Variants in STXBP5 observed in about 807,000 individuals in gnomAD.
STXBP5 encodes the protein syntaxin-binding protein 5.
Under a neutral mutation model 152.4 loss-of-function variants are expected in STXBP5, and 50 were observed. That is an observed-to-expected ratio of 0.33 (90% CI 0.26 to 0.42). STXBP5 has a LOEUF of 0.42. Among genes scored for constraint, STXBP5 ranks in the 10% least tolerant of loss-of-function variants. The pLI, the probability that STXBP5 is intolerant of heterozygous loss-of-function variation, is 1.00. For missense variants in STXBP5, 1,167 were observed against 1,388.6 expected, an observed-to-expected ratio of 0.84 and a Z score of 2.54; for synonymous variants, 492 against 494.7, an observed-to-expected ratio of 0.99 and a Z score of 0.07.
At chr6:147,351,339 C>T (rs914016596) in intron 21 of STXBP5, among the ~76,000 whole-genome samples, 6 of 152,166 alleles carry the variant, frequency 3.9e-5, no homozygotes, top group African/African-American at 7.2e-5. Flanking sequence ...GAGGCGGCAT[C>T]CATATCATAT....
intron 11 of STXBP5, among the ~76,000 whole-genome samples, 194 bp from the exon 12 acceptor site, chr6:147,313,690 A>G (rs143006405): frequency 3.3e-4 from 50 of 152,304 alleles, no homozygotes; most frequent in East Asian, 1.9e-3. Context: ...AGTTGCAACT[A>G]GAGCCTTTCT....
At chr6:147,381,119 C>G (rs1375419418) in intron 26 of STXBP5, among the ~76,000 whole-genome samples, 3 of 152,082 alleles carry the variant, frequency 2.0e-5, no homozygotes, top group African/African-American at 7.2e-5. Flanking sequence ...ACCCTGCCCC[C>G]ATGATTCAGT....
chr6:147,257,872 A>C (rs1280825541), intron 4 of STXBP5, among the ~76,000 whole-genome samples: 2 of 152,176 alleles, frequency 1.3e-5, no homozygotes, highest in East Asian at 3.9e-4. Context: ...TGGGTCGGCA[A>C]CCTGGGTCGG....
At chr6:147,272,655 T>G (rs985152413) in intron 7 of STXBP5, among the ~76,000 whole-genome samples, 3 of 152,196 alleles carry the variant, frequency 2.0e-5, no homozygotes, top group Non-Finnish European at 4.4e-5. Context: ...TTATGTTCTA[T>G]TCAGTGGTAT....
intron 8 of STXBP5, among the ~76,000 whole-genome samples, chr6:147,288,345 A>C (rs1230159675): frequency 6.6e-6 from 1 of 152,162 alleles, no homozygotes; most frequent in African/African-American, 2.4e-5. Context: ...AGAAAACTTC[A>C]GTCCTCTCTG....
At chr6:147,343,252 A>C (rs999616559) in intron 21 of STXBP5, among the ~76,000 whole-genome samples, 4 of 152,144 alleles carry the variant, frequency 2.6e-5, no homozygotes, top group African/African-American at 7.2e-5. Context: ...ATAATTATTT[A>C]GGTAAGGGTT....
At position 147,272,557 on chromosome 6, in the gene STXBP5, A is replaced by G. The variant is rs148361069; in HGVS notation, c.714+5390A>G. Among the ~76,000 whole-genome samples, 153 of 152,302 alleles carry G rather than the reference A, an allele frequency of 1.0e-3. 1 individual carries two copies. Among genetic ancestry groups the G allele is most frequent in the African/African-American group, 3.5e-3 (147 of 41,564 alleles). Reference sequence around the variant, plus strand: ...AGGTGTACAATTTCAGATATTCAAGAAATTATTATAGGCATAATTCTTCCT... The same window carrying G: ...AGGTGTACAATTTCAGATATTCAAGGAATTATTATAGGCATAATTCTTCCT... On this transcript the variant is annotated intron_variant, in intron 7 of 27. Transcript: ENST00000321680.
chr6:147,330,959 A>T (rs1783538712), intron 18 of STXBP5, among the ~76,000 whole-genome samples: 1 of 152,232 alleles, frequency 6.6e-6, no homozygotes, highest in South Asian at 2.1e-4. Flanking sequence ...GCAACAGAAC[A>T]GCTGAATATT....
intron 21 of STXBP5, among the ~76,000 whole-genome samples, chr6:147,351,408 A>G (rs755116053): frequency 1.3e-5 from 2 of 152,236 alleles, no homozygotes; most frequent in Non-Finnish European, 2.9e-5. Flanking sequence ...TACATCTGAT[A>G]TCATGCACAT....
intron 19 of STXBP5, among the ~76,000 whole-genome samples, chr6:147,337,929 C>T (rs1459007656): frequency 6.6e-6 from 1 of 152,074 alleles, no homozygotes; most frequent in Non-Finnish European, 1.5e-5. Context: ...GCAGGTTTTA[C>T]TCGGTCAGAG....
chr6:147,248,911 G>T (rs1778953389), intron 4 of STXBP5, among the ~76,000 whole-genome samples: 1 of 152,136 alleles, frequency 6.6e-6, no homozygotes, highest in Non-Finnish European at 1.5e-5. Flanking sequence ...GGATCCAGTG[G>T]ACAGGAGATT....
intron 7 of STXBP5, among the ~76,000 whole-genome samples, chr6:147,273,992 A>G (rs1210043629): frequency 7.0e-6 from 1 of 143,390 alleles, no homozygotes; most frequent in Non-Finnish European, 1.6e-5. Flanking sequence ...TGCAGCTCAC[A>G]GCACAGGAAT....
At position 147,373,815 on chromosome 6, in the gene STXBP5, G is replaced by A; in HGVS notation, c.3166G>A (p.Ala1056Thr). ...GFFKGLFGGG[A>T]QSLDREELFG... ...CTTTAAAGGCTTATTTGGAGGTGGTGCACAATCTCTTGACAGAGAAGAACT... is the reference window on the plus strand; with the variant it reads ...CTTTAAAGGCTTATTTGGAGGTGGTACACAATCTCTTGACAGAGAAGAACT... The change falls in exon 26 of 28, where the codon GCA becomes ACA. Residue 1056 changes from alanine (A) to threonine (T), a missense_variant. Physicochemically the swap from Ala to Thr is moderately conservative, Grantham distance 58. Transcript: ENST00000321680. 2 of 1,613,246 alleles carry A rather than the reference G, an allele frequency of 1.2e-6. No homozygotes were observed. The highest frequency in any genetic ancestry group is 1.1e-5 in the South Asian group (1 of 91,068).
At chr6:147,266,575 C>G (rs1779903864) in intron 6 of STXBP5, among the ~76,000 whole-genome samples, 1 of 152,056 alleles carries the variant, frequency 6.6e-6, no homozygotes, top group Non-Finnish European at 1.5e-5. Context: ...AGAGACACTG[C>G]AACAGGGAAT....
chr6:147,275,837 C>G (rs187232019), intron 7 of STXBP5, among the ~76,000 whole-genome samples: 4 of 151,830 alleles, frequency 2.6e-5, no homozygotes, highest in Non-Finnish European at 5.9e-5. Flanking sequence ...GATTACAGGC[C>G]TGAGCCACCG....
chr6:147,309,916 G>A (rs1174069841), intron 9 of STXBP5, among the ~76,000 whole-genome samples, 168 bp from the exon 10 acceptor site: 2 of 151,526 alleles, frequency 1.3e-5, no homozygotes, highest in Admixed American at 1.3e-4. Context: ...AATTCACTTG[G>A]GTCTTAACTA....
intron 23 of STXBP5, 151 bp from the exon 24 acceptor site, chr6:147,363,184 C>CT (rs1198295292): frequency 2.6e-6 from 2 of 781,560 alleles, no homozygotes; most frequent in African/African-American, 3.5e-5. Context: ...AAATACCACG[C>CT]TTAAAGTCCG....
intron 9 of STXBP5, chr6:147,292,359 T>C: frequency 2.5e-6 from 1 of 399,436 alleles, no homozygotes; most frequent in Non-Finnish European, 4.9e-6. Context: ...TCCTTCATTG[T>C]GTGACCTGTA....
In STXBP5 at chr6:147,388,896, T is replaced by C. The variant is rs1786463096; in HGVS notation, c.*4141T>C. 1 of 151,448 alleles carries C rather than the reference T, an allele frequency of 6.6e-6. No individual in the cohort carries two copies. The highest frequency in any genetic ancestry group is 1.5e-5 in the Non-Finnish European group (1 of 67,602). 9.4% of individuals were successfully genotyped at this position (151,448 alleles called of 1,614,324 possible). ...AATTTCCAAAAATGAAAACAGAGTT[T>C]ATGTATTTTTGTCAATGAAGGTTTT... On this transcript the variant is annotated 3_prime_UTR_variant, in exon 28 of 28. Transcript: ENST00000321680.
Sources: allele counts gnomAD v4.1 joint callset (sites outside exome capture counted in the v4.1 genomes callset), GRCh38; gene constraint gnomAD v4.1.1; transcripts MANE v1.5; gene names NCBI Gene and HGNC (gene_info 2026-07-23, HGNC 2026-07-21).